RALGAPA1: variants seen among roughly 807,000 people sequenced by gnomAD.
RALGAPA1 encodes Ral GTPase activating protein catalytic subunit alpha 1.
Under a neutral mutation model 269.6 loss-of-function variants are expected in RALGAPA1, and 52 were observed. That is an observed-to-expected ratio of 0.19 (90% CI 0.15 to 0.24). The LOEUF is 0.24. Ranked by LOEUF, RALGAPA1 falls within the 10% of genes least tolerant of loss-of-function variation. The pLI is 1.00. For synonymous variants in RALGAPA1, 817 were observed against 1,008.3 expected (o/e 0.81, Z 3.60); for missense variants, 1,917 against 3,013.9 (o/e 0.64, Z 8.52).
intron 33 of RALGAPA1, among the ~76,000 whole-genome samples, chr14:35,629,692 C>T (rs761840464): frequency 5.3e-5 from 8 of 151,914 alleles, no homozygotes; most frequent in African/African-American, 1.2e-4. Context: ...GTAGAGACTG[C>T]GTTTCACCAT....
chr14:35,556,188 T>C (rs536351108), intron 39 of RALGAPA1, among the ~76,000 whole-genome samples: 32 of 152,310 alleles, frequency 2.1e-4, no homozygotes, highest in African/African-American at 7.7e-4. Flanking sequence ...AGACATAGCA[T>C]ATGGGTAGAC....
intron 16 of RALGAPA1, among the ~76,000 whole-genome samples, chr14:35,721,140 C>T (rs967897657): frequency 1.3e-5 from 2 of 152,146 alleles, no homozygotes; most frequent in African/African-American, 4.8e-5. Flanking sequence ...AAATTGTTCC[C>T]AACGTTGTTC....
At chr14:35,654,261 A>T (rs1165818176) in intron 30 of RALGAPA1, 106 bp downstream of exon 30, 2 of 1,153,808 alleles carry the variant, frequency 1.7e-6, no homozygotes, top group Non-Finnish European at 2.3e-6. Flanking sequence ...GCCATTATTT[A>T]GCTATGCAAA....
chr14:35,763,782 A>G (rs2073919458), intron 4 of RALGAPA1, among the ~76,000 whole-genome samples: 1 of 149,730 alleles, frequency 6.7e-6, no homozygotes, highest in Admixed American at 6.6e-5. Flanking sequence ...GTGTGTATAT[A>G]TATATATATA....
intron 1 of RALGAPA1, among the ~76,000 whole-genome samples, chr14:35,791,052 A>G (rs1327847891): frequency 6.6e-6 from 1 of 152,186 alleles, no homozygotes; most frequent in Non-Finnish European, 1.5e-5. Flanking sequence ...AGGTTGAGAA[A>G]TAAGAGCAGC....
At chr14:35,803,465 A>T (rs1269676885) in intron 1 of RALGAPA1, among the ~76,000 whole-genome samples, 1 of 152,112 alleles carries the variant, frequency 6.6e-6, no homozygotes, top group Non-Finnish European at 1.5e-5. Context: ...AATAAATTAA[A>T]AATTGATATA....
intron 3 of RALGAPA1, among the ~76,000 whole-genome samples, chr14:35,774,092 G>C (rs1043120126): frequency 6.6e-6 from 1 of 151,634 alleles, no homozygotes; most frequent in Non-Finnish European, 1.5e-5. Flanking sequence ...TAACTTTTTT[G>C]ATTTTTAATA....
At chr14:35,700,459 G>C (rs1052453591) in intron 16 of RALGAPA1, among the ~76,000 whole-genome samples, 157 bp from the exon 17 acceptor site, 4 of 152,162 alleles carry the variant, frequency 2.6e-5, no homozygotes, top group Non-Finnish European at 5.9e-5. Context: ...ATACTGGCAA[G>C]CTGTAAGAAA....
chr14:35,654,488 A>T lies in RALGAPA1; in HGVS notation c.5497-11T>A, dbSNP rs748885975. On this transcript the variant is annotated splice_polypyrimidine_tract_variant and intron_variant, in intron 29 of 41. Transcript: ENST00000680220. ...TGTTTTATTAGTAAACTGCAATAATAAAAAAAAAGTTTTAAAAATTTTCAT... is the reference window on the plus strand; with the variant it reads ...TGTTTTATTAGTAAACTGCAATAATTAAAAAAAAGTTTTAAAAATTTTCAT... The T allele has an allele frequency of 1.3e-6, 2 of 1,532,102 alleles. No homozygotes were observed. Among genetic ancestry groups the T allele is most frequent in the Non-Finnish European group, 1.8e-6 (2 of 1,142,802 alleles). The allele number at this position is 1,532,102 out of a possible 1,614,324, so 94.9% of individuals were successfully genotyped here.
chr14:35,726,392 T>G (rs1435689389), intron 13 of RALGAPA1, among the ~76,000 whole-genome samples: 1 of 152,220 alleles, frequency 6.6e-6, no homozygotes, highest in Non-Finnish European at 1.5e-5. Flanking sequence ...GCATAGATTT[T>G]CCAAATAAAT....
chr14:35,584,818 A>G (rs1382650894), intron 37 of RALGAPA1, among the ~76,000 whole-genome samples: 1 of 152,156 alleles, frequency 6.6e-6, no homozygotes, highest in East Asian at 1.9e-4. Context: ...CAAAAATAGA[A>G]AACAGTAAAG....
intron 21 of RALGAPA1, among the ~76,000 whole-genome samples, chr14:35,679,377 C>T (rs992882683): frequency 6.6e-6 from 1 of 152,318 alleles, no homozygotes; most frequent in Non-Finnish European, 1.5e-5. Context: ...CCAAGAAACT[C>T]ACTGTAAATT....
At position 35,689,702 on chromosome 14, in the gene RALGAPA1, A is replaced by T; in HGVS notation, c.2709T>A (p.Val903=). 1 of 1,411,314 alleles carries T rather than the reference A, an allele frequency of 7.1e-7. No homozygotes were observed. Among genetic ancestry groups the T allele is most frequent in the South Asian group, 1.8e-5 (1 of 55,136 alleles). The allele number at this position is 1,411,314 out of a possible 1,614,324, so 87.4% of individuals were successfully genotyped here. The change falls in exon 18 of 42, where the codon GTT becomes GTA. Residue 903 remains valine (V), a synonymous_variant. Coordinates refer to ENST00000680220, the MANE Select transcript of RALGAPA1 (RefSeq NM_001346249.2). The part of the protein sequence containing the change: ...DTHSRESSLE[V]GDSIYDHLCH... ...AAAGATGGTCATATATGCTATCACCAACTTCCAGAGAAGACTCTCTACTAT... is the reference window on the plus strand; with the variant it reads ...AAAGATGGTCATATATGCTATCACCTACTTCCAGAGAAGACTCTCTACTAT...
intron 33 of RALGAPA1, among the ~76,000 whole-genome samples, chr14:35,630,386 C>T (rs2061284633): frequency 6.6e-6 from 1 of 151,984 alleles, no homozygotes; most frequent in African/African-American, 2.4e-5. Flanking sequence ...CTCCCGAGTT[C>T]AAGCAATTCT....
intron 6 of RALGAPA1, among the ~76,000 whole-genome samples, 157 bp downstream of exon 6, chr14:35,760,671 CT>C (rs777416580): frequency 1.1e-4 from 17 of 152,190 alleles, no homozygotes; most frequent in Non-Finnish European, 2.2e-4. Context: ...CTTTCTTGAT[CT>C]GCTGACTTCA....
chr14:35,776,477 G>A (rs1304255494), intron 1 of RALGAPA1, among the ~76,000 whole-genome samples: 1 of 152,054 alleles, frequency 6.6e-6, no homozygotes, highest in Non-Finnish European at 1.5e-5. Context: ...AGGTACTTAG[G>A]GATTAAAAAG....
At chr14:35,759,616 T>C (rs2073517126) in intron 6 of RALGAPA1, among the ~76,000 whole-genome samples, 2 of 149,442 alleles carry the variant, frequency 1.3e-5, no homozygotes, top group South Asian at 4.2e-4. Context: ...AAAGTGAATG[T>C]TAGAAAAATC....
chr14:35,680,695 A>G (rs1176230882), intron 21 of RALGAPA1, among the ~76,000 whole-genome samples: 1 of 151,514 alleles, frequency 6.6e-6, no homozygotes, highest in Non-Finnish European at 1.5e-5. Flanking sequence ...GCTCACTGCA[A>G]GCTCTGCCTC....
At chr14:35,733,936 T>C (rs1278887050) in intron 12 of RALGAPA1, among the ~76,000 whole-genome samples, 2 of 151,518 alleles carry the variant, frequency 1.3e-5, no homozygotes, top group African/African-American at 4.9e-5. Flanking sequence ...CCTTTTATTA[T>C]AGCTGCAAAT....
Sources: allele counts gnomAD v4.1 joint callset (sites outside exome capture counted in the v4.1 genomes callset), GRCh38; gene constraint gnomAD v4.1.1; transcripts MANE v1.5; gene names NCBI Gene and HGNC (gene_info 2026-07-23, HGNC 2026-07-21).